Variants in PSMD1 observed in about 807,000 individuals in gnomAD.
PSMD1 encodes 26S proteasome non-ATPase regulatory subunit 1.
PSMD1 carries 18 observed loss-of-function variants against 119.0 expected under a neutral mutation model. The observed-to-expected ratio is 0.15, with a 90% CI of 0.10 to 0.22. PSMD1 has a LOEUF of 0.22. PSMD1 is among the 10% of genes least tolerant of loss of function. The pLI is 1.00. For synonymous variants in PSMD1, 374 were observed against 396.6 expected (o/e 0.94, Z 0.68); for missense variants, 702 against 1,158.5 (o/e 0.61, Z 5.72).
chr2:231,165,338 G>T, intron 22 of PSMD1, 52 bp downstream of exon 22: 2 of 1,496,750 alleles, frequency 1.3e-6, no homozygotes, highest in Non-Finnish European at 9.0e-7. Flanking sequence ...TCTCTGTCAT[G>T]GTCGAGATTC....
At chr2:231,090,101 A>G (rs1246082641) in intron 16 of PSMD1, among the ~76,000 whole-genome samples, 1 of 152,372 alleles carries the variant, frequency 6.6e-6, no homozygotes, top group South Asian at 2.1e-4. Flanking sequence ...TAGACAATGC[A>G]CTTGGTCCCC....
intron 23 of PSMD1, among the ~76,000 whole-genome samples, chr2:231,168,272 T>TA (rs1212133417): frequency 6.6e-6 from 1 of 152,146 alleles, no homozygotes; most frequent in Non-Finnish European, 1.5e-5. Flanking sequence ...CTCAAAAAGT[T>TA]AAATGTAGTC....
At chr2:231,154,607 A>G (rs1046966369) in intron 19 of PSMD1, among the ~76,000 whole-genome samples, 87 of 152,148 alleles carry the variant, frequency 5.7e-4, no homozygotes, top group African/African-American at 2.1e-3. Flanking sequence ...AGCTGAGACT[A>G]CAAGCATATG....
At chr2:231,082,148 A>G (rs1559223002) in intron 12 of PSMD1, among the ~76,000 whole-genome samples, 1 of 152,134 alleles carries the variant, frequency 6.6e-6, no homozygotes, top group Non-Finnish European at 1.5e-5. Flanking sequence ...CTGCAGCTTC[A>G]GCTTCCTGGG....
At chr2:231,085,220 T>C in intron 15 of PSMD1, 106 bp downstream of exon 15, 2 of 895,426 alleles carry the variant, frequency 2.2e-6, no homozygotes, top group South Asian at 2.7e-5. Flanking sequence ...CCACCACCAG[T>C]GGTCTTAGGT....
Position 231,057,014 on chromosome 2 carries a change from A to C in PSMD1, c.-12A>C. On this transcript the variant is annotated 5_prime_UTR_variant, in exon 1 of 25. Coordinates refer to ENST00000308696, the MANE Select transcript of PSMD1 (RefSeq NM_002807.4). ...CGGCGAGCGAGCCGACGGGCGAGTG[A>C]GGGGCGCAGCCATGATCACCTCGGC... 6.5e-7 allele frequency: 1 copy of C among 1,539,608 alleles called. No homozygotes were observed. Among genetic ancestry groups the C allele is most frequent in the Non-Finnish European group, 8.7e-7 (1 of 1,144,162 alleles).
At chr2:231,115,932 A>C (rs1695316480) in intron 16 of PSMD1, among the ~76,000 whole-genome samples, 1 of 152,132 alleles carries the variant, frequency 6.6e-6, no homozygotes, top group South Asian at 2.1e-4. Context: ...ACATTTGAGA[A>C]GCAGTGCTTT....
At chr2:231,057,548 A>G (rs145377086) in intron 1 of PSMD1, among the ~76,000 whole-genome samples, 3,104 of 152,334 alleles carry the variant, frequency 0.02, 45 homozygotes, top group Non-Finnish European at 0.036. Flanking sequence ...GAGGTGGGTC[A>G]TTTCTGGGTC....
chr2:231,075,605 G>T (rs1313583041), intron 8 of PSMD1, 34 bp downstream of exon 8: 36 of 1,587,908 alleles, frequency 2.3e-5, no homozygotes, highest in Non-Finnish European at 3.1e-5. Context: ...TTTGAGACAG[G>T]GTCCTGATCT....
intron 16 of PSMD1, among the ~76,000 whole-genome samples, chr2:231,112,886 T>G (rs1430587304): frequency 6.6e-6 from 1 of 152,124 alleles, no homozygotes; most frequent in Admixed American, 6.5e-5. Flanking sequence ...TCAAAACACT[T>G]AAGTGCAGTG....
intron 16 of PSMD1, among the ~76,000 whole-genome samples, chr2:231,116,067 T>C (rs1475217311): frequency 6.6e-6 from 1 of 152,138 alleles, no homozygotes; most frequent in Non-Finnish European, 1.5e-5. Flanking sequence ...CCTCTCAGAA[T>C]AAATTAAGTC....
chr2:231,084,087 G>A (rs13411316), intron 14 of PSMD1, among the ~76,000 whole-genome samples: 74,952 of 151,884 alleles, frequency 0.49, 21,922 homozygotes, highest in African/African-American at 0.81. Flanking sequence ...GGTGGCTCAC[G>A]CCTGTAATCC....
chr2:231,071,105 A>G (rs1018814170), intron 6 of PSMD1, among the ~76,000 whole-genome samples: 1 of 151,946 alleles, frequency 6.6e-6, no homozygotes, highest in South Asian at 2.1e-4. Flanking sequence ...ATTTCCTTTC[A>G]GTTTTCTCTA....
chr2:231,109,329 C>G (rs1211294532), intron 16 of PSMD1: 2 of 1,613,980 alleles, frequency 1.2e-6, no homozygotes, highest in South Asian at 2.2e-5. Flanking sequence ...CCAAAACGTT[C>G]CTTTGTCAGC....
Position 231,067,128 on chromosome 2 carries a change from A to G in PSMD1, c.510+17A>G. On this transcript the variant is annotated intron_variant, in intron 5 of 24. Transcript: ENST00000308696. The stretch of plus-strand genomic sequence containing the variant: ...CTGGAGTCGGTAGGTAGATGATGTT[A>G]TTTTAGAAATTATTGTTGATAGGGA... 6 of 1,529,744 alleles carry G rather than the reference A, an allele frequency of 3.9e-6. No individual in the cohort carries two copies. The highest frequency in any genetic ancestry group is 5.3e-6 in the Non-Finnish European group (6 of 1,136,838). 94.8% of individuals were successfully genotyped at this position (1,529,744 alleles called of 1,614,324 possible). A position where few individuals can be genotyped will look rare whatever the true frequency, so the allele number is the denominator to read the frequency against.
At chr2:231,085,932 C>G (rs377506810) in intron 15 of PSMD1, among the ~76,000 whole-genome samples, 1 of 152,118 alleles carries the variant, frequency 6.6e-6, no homozygotes, top group Non-Finnish European at 1.5e-5. Flanking sequence ...ATAATATTTT[C>G]CACAGTATTT....
intron 8 of PSMD1, 35 bp downstream of exon 8, chr2:231,075,606 G>A (rs1469045029): frequency 1.9e-6 from 3 of 1,580,532 alleles, no homozygotes; most frequent in East Asian, 2.3e-5. Context: ...TTGAGACAGG[G>A]TCCTGATCTG....
intron 16 of PSMD1, chr2:231,109,001 C>T (rs1326828074): frequency 6.2e-7 from 1 of 1,614,188 alleles, no homozygotes; most frequent in Admixed American, 1.7e-5. Flanking sequence ...CTTTGAGGCT[C>T]TCTGTTCGTT....
chr2:231,155,020 T>G (rs1337270192), intron 19 of PSMD1, among the ~76,000 whole-genome samples: 1 of 152,220 alleles, frequency 6.6e-6, no homozygotes, highest in Non-Finnish European at 1.5e-5. Flanking sequence ...TTCCTTAGAC[T>G]TGGAGTTCAT....
Sources: allele counts gnomAD v4.1 joint callset (sites outside exome capture counted in the v4.1 genomes callset), GRCh38; gene constraint gnomAD v4.1.1; transcripts MANE v1.5; gene names NCBI Gene and HGNC (gene_info 2026-07-23, HGNC 2026-07-21).